Variants in POT1 observed in about 807,000 individuals in gnomAD.
POT1 encodes the protein protection of telomeres 1, also known as protection of telomeres protein 1.
In POT1, 47 loss-of-function variants were observed where a neutral mutation model predicts 78.5. The ratio of observed to expected loss-of-function variants is 0.60; its 90% CI spans 0.47 to 0.76. The LOEUF (loss-of-function observed/expected upper bound fraction) is 0.76, where lower values mean the gene tolerates loss of function less well. Among genes scored for constraint, POT1 ranks in the 30% least tolerant of loss-of-function variants. POT1 has a pLI of 0.00. For missense variants in POT1, 646 were observed against 749.9 expected (o/e 0.86, Z 1.62); for synonymous variants, 259 against 260.7 (o/e 0.99, Z 0.06).
In POT1 at chr7:124,850,174, C is replaced by T. The variant is rs767157232; in HGVS notation, c.949+1698G>A. 2.4e-4 allele frequency among the ~76,000 whole-genome samples: 37 copies of T among 152,254 alleles called. No homozygotes were observed. The Middle Eastern group carries it at 0.014, about 56-fold the overall frequency. On this transcript the variant is annotated intron_variant, in intron 11 of 18. Coordinates refer to ENST00000357628, the MANE Select transcript of POT1 (RefSeq NM_015450.3). ...GTTTCCTAATAGTAGTTCAAGTAAT[C>T]ATACACCAGGCCAAAACGTTATCAC...
intron 9 of POT1, 69 bp downstream of exon 9, chr7:124,858,888 A>T (rs1000713841): frequency 7.2e-6 from 9 of 1,247,184 alleles, no homozygotes; most frequent in Non-Finnish European, 9.9e-6. Flanking sequence ...TATATAAAAA[A>T]TTTACATGAG....
intron 15 of POT1, among the ~76,000 whole-genome samples, chr7:124,833,097 ATTAAAAATCATT>A (rs1159618107): frequency 5.9e-5 from 9 of 152,282 alleles, no homozygotes; most frequent in African/African-American, 1.9e-4. Flanking sequence ...AATTGGCTTA[ATTAAAAATCATT>A]TTATTTTCAA....
intron 17 of POT1, 84 bp downstream of exon 17, chr7:124,827,130 A>T (rs1334417069): frequency 1.4e-6 from 1 of 726,020 alleles, no homozygotes; most frequent in East Asian, 3.4e-5. Flanking sequence ...TCCTTTTAGG[A>T]ACAAAGCAGG....
chr7:124,855,296 A>G (rs1217716701), intron 9 of POT1, among the ~76,000 whole-genome samples: 1 of 151,384 alleles, frequency 6.6e-6, no homozygotes, highest in Non-Finnish European at 1.5e-5. Context: ...TTTATTTCCT[A>G]AAATTTAAAA....
At chr7:124,834,841 T>C (rs1357366148) in intron 15 of POT1, among the ~76,000 whole-genome samples, 2 of 152,176 alleles carry the variant, frequency 1.3e-5, no homozygotes, top group South Asian at 2.1e-4. Context: ...CCTGGAACTA[T>C]ACCAAATGTC....
At chr7:124,897,879 T>C (rs1178524957) in intron 4 of POT1, among the ~76,000 whole-genome samples, 3 of 151,914 alleles carry the variant, frequency 2.0e-5, no homozygotes, top group Admixed American at 1.3e-4. Context: ...AGGAAGGCCA[T>C]CTTCACAACG....
chr7:124,910,537 GA>G (rs1207701566), intron 3 of POT1, among the ~76,000 whole-genome samples: 4 of 151,712 alleles, frequency 2.6e-5, no homozygotes, highest in Middle Eastern at 3.2e-3. Context: ...TTTTAATTCT[GA>G]AAAAAACTGG....
Position 124,898,294 on chromosome 7 carries a change from C to T in POT1, c.-73G>A, listed in dbSNP as rs939492791. On this transcript the variant is annotated 5_prime_UTR_variant, in exon 4 of 19. An upstream open reading frame in the 5' UTR loses its in-frame stop. Coordinates refer to ENST00000357628, the MANE Select transcript of POT1 (RefSeq NM_015450.3). ...TTGATTTGAGGTCTTCAAATGCTTT[C>T]AAAAATATGCAAGGTTTACCATCTC... is the stretch of plus-strand genomic sequence containing the variant. The T allele has an allele frequency of 3.3e-5, 5 of 150,802 alleles. No individual in the cohort carries two copies. The highest frequency in any genetic ancestry group is 2.7e-4 in the Admixed American group (4 of 15,082). The allele number at this position is 150,802 out of a possible 1,614,324, so 9.3% of individuals were successfully genotyped here. A position where few individuals can be genotyped will look rare whatever the true frequency, so the allele number is the denominator to read the frequency against.
chr7:124,872,611 A>G (rs1795899423), intron 6 of POT1, among the ~76,000 whole-genome samples: 1 of 152,124 alleles, frequency 6.6e-6, no homozygotes, highest in Admixed American at 6.5e-5. Flanking sequence ...TAAGTGCTTA[A>G]ACTTTATCAC....
At chr7:124,904,416 G>A (rs36045816) in intron 3 of POT1, among the ~76,000 whole-genome samples, 30,418 of 151,986 alleles carry the variant, frequency 0.2, 3,779 homozygotes, top group East Asian at 0.3. Flanking sequence ...CTCAATAGAC[G>A]CAGAAAAGGC....
intron 15 of POT1, 28 bp downstream of exon 15, chr7:124,835,251 C>CAA: frequency 8.1e-6 from 13 of 1,605,010 alleles, no homozygotes; most frequent in Non-Finnish European, 1.0e-5. Flanking sequence ...ATAAACAAAA[C>CAA]AAAACAAAAC....
intron 2 of POT1, among the ~76,000 whole-genome samples, chr7:124,926,249 C>A (rs1191743523): frequency 1.8e-4 from 27 of 151,874 alleles, no homozygotes; most frequent in Admixed American, 1.8e-3. Context: ...ACCAAAAAAC[C>A]CCCAAATAAG....
intron 3 of POT1, among the ~76,000 whole-genome samples, chr7:124,907,051 G>GT (rs1050917348): frequency 2.4e-4 from 36 of 152,222 alleles, no homozygotes; most frequent in Middle Eastern, 3.4e-3. Context: ...TACCACAGAT[G>GT]TTTAACTCAA....
chr7:124,832,660 C>T (rs1031939650), intron 15 of POT1, among the ~76,000 whole-genome samples: 1 of 151,778 alleles, frequency 6.6e-6, no homozygotes, highest in Non-Finnish European at 1.5e-5. Flanking sequence ...AATAACAATA[C>T]GAAACAATCA....
At chr7:124,894,138 G>A (rs1796437736) in intron 5 of POT1, among the ~76,000 whole-genome samples, 1 of 151,546 alleles carries the variant, frequency 6.6e-6, no homozygotes, top group Non-Finnish European at 1.5e-5. Context: ...CTATCACTCT[G>A]AGAGTTAAAA....
intron 8 of POT1, among the ~76,000 whole-genome samples, 172 bp downstream of exon 8, chr7:124,863,178 G>A (rs906748556): frequency 2.6e-5 from 4 of 152,138 alleles, no homozygotes; most frequent in Non-Finnish European, 4.4e-5. Context: ...AAATTTTAGA[G>A]AGGTACAAGA....
chr7:124,827,501 C>A (rs891513639), intron 16 of POT1, among the ~76,000 whole-genome samples, 196 bp from the exon 17 acceptor site: 2 of 152,190 alleles, frequency 1.3e-5, no homozygotes, highest in Non-Finnish European at 2.9e-5. Context: ...CTGGCGTCTG[C>A]TGAGGGATTG....
At chr7:124,841,999 A>C (rs1286308632) in intron 13 of POT1, among the ~76,000 whole-genome samples, 1 of 151,970 alleles carries the variant, frequency 6.6e-6, no homozygotes, top group African/African-American at 2.4e-5. Flanking sequence ...AACAAACCCA[A>C]ATTTTGGATT....
chr7:124,860,769 C>A (rs1013121990), intron 8 of POT1, among the ~76,000 whole-genome samples: 2 of 152,066 alleles, frequency 1.3e-5, no homozygotes, highest in African/African-American at 4.8e-5. Context: ...CCCCCTACCC[C>A]ACAACAGGCC....
Sources: allele counts gnomAD v4.1 joint callset (sites outside exome capture counted in the v4.1 genomes callset), GRCh38; gene constraint gnomAD v4.1.1; transcripts MANE v1.5; gene names NCBI Gene and HGNC (gene_info 2026-07-23, HGNC 2026-07-21).